The following KAZN variants were observed in gnomAD, a reference collection of about 807,000 sequenced individuals.
KAZN encodes kazrin, periplakin interacting protein, also known as kazrin.
KAZN carries 40 observed loss-of-function variants against 87.4 expected under a neutral mutation model. That is an observed-to-expected ratio of 0.46 (90% CI 0.36 to 0.60). The LOEUF (loss-of-function observed/expected upper bound fraction) is 0.60. Ranked by LOEUF, KAZN falls within the 20% of genes least tolerant of loss-of-function variation. The pLI, the probability that KAZN is intolerant of heterozygous loss-of-function variation, is 0.00. For synonymous variants in KAZN, 466 were observed against 458.3 expected (o/e 1.02, Z -0.22); for missense variants, 898 against 1,073.9 (o/e 0.84, Z 2.29).
At chr1:14,288,261 C>T (rs990789815) in intron 2 of KAZN, among the ~76,000 whole-genome samples, 8 of 152,156 alleles carry the variant, frequency 5.3e-5, no homozygotes, top group African/African-American at 1.9e-4. Flanking sequence ...ACGGTACCAG[C>T]TCCTCTTTGT....
chr1:14,976,929 C>G (rs1331852474), intron 2 of KAZN, among the ~76,000 whole-genome samples: 1 of 152,148 alleles, frequency 6.6e-6, no homozygotes, highest in South Asian at 2.1e-4. Context: ...GTGGTGGGCG[C>G]CTGTAATCCC....
intron 1 of KAZN, among the ~76,000 whole-genome samples, chr1:14,132,335 G>T (rs1031415676): frequency 6.6e-6 from 1 of 152,134 alleles, no homozygotes; most frequent in African/African-American, 2.4e-5. Flanking sequence ...AAAGCAGGGG[G>T]TCACAGCAGG....
intron 2 of KAZN, among the ~76,000 whole-genome samples, chr1:14,306,330 G>A (rs115626309): frequency 7.3e-4 from 111 of 152,308 alleles, no homozygotes; most frequent in African/African-American, 2.5e-3. Context: ...CTGAAGGTCC[G>A]TGGACCACGC....
intron 4 of KAZN, among the ~76,000 whole-genome samples, chr1:15,046,501 C>G (rs963647827): frequency 3.3e-5 from 5 of 152,072 alleles, no homozygotes; most frequent in African/African-American, 1.2e-4. Context: ...CGCACCCATG[C>G]CGTCCAAACC....
chr1:15,102,310 T>C (rs1266895898), intron 11 of KAZN, among the ~76,000 whole-genome samples: 2 of 151,646 alleles, frequency 1.3e-5, no homozygotes, highest in African/African-American at 4.8e-5. Context: ...TCCTCAGAGA[T>C]AGCAACGACT....
chr1:13,985,570 G>C (rs12728235), intron 1 of KAZN, among the ~76,000 whole-genome samples: 13 of 109,562 alleles, frequency 1.2e-4, no homozygotes, highest in African/African-American at 4.6e-4. Context: ...GTGGGGGGAG[G>C]GGGGAGGGAT....
chr1:14,335,502 C>T (rs1455274033), intron 2 of KAZN, among the ~76,000 whole-genome samples: 2 of 151,902 alleles, frequency 1.3e-5, no homozygotes, highest in Non-Finnish European at 2.9e-5. Flanking sequence ...TGCACCTAGT[C>T]CCTCCTCTCT....
intron 1 of KAZN, among the ~76,000 whole-genome samples, chr1:14,917,445 A>T (rs1484977641): frequency 6.6e-6 from 1 of 152,202 alleles, no homozygotes. Context: ...CCATAGAGAT[A>T]GCAGGGAGTG....
intron 2 of KAZN, among the ~76,000 whole-genome samples, chr1:14,584,510 C>G (rs1375164395): frequency 3.3e-5 from 5 of 152,156 alleles, no homozygotes; most frequent in African/African-American, 1.2e-4. Flanking sequence ...GCCATAAATT[C>G]CCCTTGGTAT....
chr1:14,508,337 A>G (rs1670715699), intron 2 of KAZN, among the ~76,000 whole-genome samples: 1 of 152,148 alleles, frequency 6.6e-6, no homozygotes, highest in Non-Finnish European at 1.5e-5. Flanking sequence ...TTGCTGTGCA[A>G]CAGATTACCC....
chr1:14,746,546 G>A (rs1049055028), intron 1 of KAZN, among the ~76,000 whole-genome samples: 32 of 151,964 alleles, frequency 2.1e-4, no homozygotes, highest in African/African-American at 5.8e-4. Flanking sequence ...CAGATGATCC[G>A]GGAAGGCTTC....
At chr1:13,936,195 C>T (rs1260931307) in intron 1 of KAZN, among the ~76,000 whole-genome samples, 3 of 149,166 alleles carry the variant, frequency 2.0e-5, no homozygotes, top group Non-Finnish European at 4.4e-5. Flanking sequence ...CTCCCAGGTT[C>T]AAGCGATTCT....
At chr1:14,727,464 T>A (rs1191073785) in intron 1 of KAZN, among the ~76,000 whole-genome samples, 1 of 27,124 alleles carries the variant, frequency 3.7e-5, no homozygotes, top group Non-Finnish European at 8.1e-5. Flanking sequence ...TTTTTTTTTT[T>A]TTTTTTTTTT....
intron 1 of KAZN, among the ~76,000 whole-genome samples, chr1:14,648,426 G>A (rs557906713): frequency 6.6e-6 from 1 of 152,118 alleles, no homozygotes; most frequent in Non-Finnish European, 1.5e-5. Flanking sequence ...AGTGAGCATC[G>A]ATTCTTTGAT....
chr1:14,219,443 C>T (rs772240471), intron 2 of KAZN, among the ~76,000 whole-genome samples: 4 of 152,098 alleles, frequency 2.6e-5, no homozygotes, highest in Admixed American at 2.6e-4. Flanking sequence ...TATTTTACAA[C>T]TAATAAGCTT....
chr1:15,099,831 C>G lies in KAZN; in HGVS notation c.1548-1712C>G, dbSNP rs1370620334. Among the ~76,000 whole-genome samples, 1 of 152,104 alleles carries G rather than the reference C, an allele frequency of 6.6e-6. No individual in the cohort carries two copies. The highest frequency in any genetic ancestry group is 1.5e-5 in the Non-Finnish European group (1 of 68,012). On this transcript the variant is annotated intron_variant, in intron 10 of 14. Coordinates refer to ENST00000376030, the MANE Select transcript of KAZN (RefSeq NM_201628.3). This position sits in a 1 kb window ranked among gnomAD's most constrained non-coding sequence, Gnocchi z 5.4. ...AGCAGCCGGGGAAAGTGGCAGAAAC[C>G]CACACCAGAGACGCCTGCAGCTTAG...
chr1:14,004,857 G>A (rs1156690848), intron 1 of KAZN, among the ~76,000 whole-genome samples: 1 of 152,110 alleles, frequency 6.6e-6, no homozygotes, highest in East Asian at 1.9e-4. Flanking sequence ...GAATTAATGG[G>A]TTATCACGGG....
intron 1 of KAZN, among the ~76,000 whole-genome samples, chr1:13,963,032 C>A (rs1641813886): frequency 1.3e-5 from 2 of 151,974 alleles, no homozygotes; most frequent in African/African-American, 4.8e-5. Context: ...TTTGTAGGGA[C>A]TTGTGTATCA....
chr1:14,960,035 T>A (rs903800652), intron 1 of KAZN, among the ~76,000 whole-genome samples: 2 of 152,196 alleles, frequency 1.3e-5, no homozygotes, highest in Non-Finnish European at 2.9e-5. Flanking sequence ...TAGACCCTAT[T>A]TTCCTGCAGG....
Sources: allele counts gnomAD v4.1 joint callset (sites outside exome capture counted in the v4.1 genomes callset), GRCh38; gene constraint gnomAD v4.1.1; non-coding constraint Gnocchi (gnomAD v3.1); transcripts MANE v1.5; gene names NCBI Gene and HGNC (gene_info 2026-07-23, HGNC 2026-07-21).